The following CD200R1L variants were observed in gnomAD, a reference collection of about 807,000 sequenced individuals.
CD200R1L encodes the protein CD200 receptor 1 like.
CD200R1L carries 14 observed loss-of-function variants against 24.8 expected under a neutral mutation model. The observed-to-expected ratio is 0.56, with a 90% CI of 0.37 to 0.88. The LOEUF (loss-of-function observed/expected upper bound fraction) is 0.88. Among genes scored for constraint, CD200R1L ranks in the 40% least tolerant of loss-of-function variants. The probability of loss-of-function intolerance (pLI) is 0.00; values close to 1 mark genes in which losing one functional copy is unlikely to be tolerated. For missense variants in CD200R1L, 299 were observed against 297.8 expected (o/e 1.00, Z -0.03); for synonymous variants, 111 against 109.2 (o/e 1.02, Z -0.11).
chr3:112,817,066 C>A (rs1187138911), intron 7 of CD200R1L, among the ~76,000 whole-genome samples: 1 of 151,982 alleles, frequency 6.6e-6, no homozygotes, highest in Non-Finnish European at 1.5e-5. Context: ...ACTAATACAA[C>A]CAGGTAACAA....
chr3:112,836,251 T>A lies in CD200R1L; in HGVS notation c.-18+1691A>T, dbSNP rs1159353607. 2.0e-5 allele frequency among the ~76,000 whole-genome samples: 3 copies of A among 152,114 alleles called. No individual in the cohort carries two copies. In the East Asian group the frequency reaches 5.8e-4, roughly 29 times the overall value. ...CCGCCACTGCTGCTCTCACAGCCAC[T>A]CCTGCTGCCACCACCTGCACCTCCC... is the stretch of plus-strand genomic sequence containing the variant. On this transcript the variant is annotated intron_variant, in intron 3 of 7. Coordinates refer to ENST00000488794, the MANE Select transcript of CD200R1L (RefSeq NM_001199215.3).
chr3:112,837,861 A>G (rs956270764), intron 3 of CD200R1L, 81 bp downstream of exon 3: 3 of 439,536 alleles, frequency 6.8e-6, no homozygotes, highest in African/African-American at 2.2e-5. Context: ...AATTGCACAC[A>G]GGACAAATGA....
At chr3:112,819,032 C>T (rs143124193) in intron 7 of CD200R1L, among the ~76,000 whole-genome samples, 97 of 152,240 alleles carry the variant, frequency 6.4e-4, no homozygotes, top group African/African-American at 2.1e-3. Flanking sequence ...TGGCAGAAGG[C>T]GAAGGGGAAG....
chr3:112,827,219 A>G lies in CD200R1L; in HGVS notation c.390T>C (p.Phe130=). The change falls in exon 6 of 8, where the codon TTT becomes TTC. Residue 130 remains phenylalanine, a synonymous_variant. Coordinates refer to ENST00000488794, the MANE Select transcript of CD200R1L (RefSeq NM_001199215.3). The stretch of plus-strand genomic sequence containing the variant: ...ATACTGCAGTTATATTCCTGCTTTG[A>G]AATAGGTTCACTTCGGGTGTAACTG... The part of the protein sequence containing the change: ...QVLVTPEVNL[F]QSRNITAVCK... 2 of 1,612,554 alleles carry G rather than the reference A, an allele frequency of 1.2e-6. No individual in the cohort carries two copies. The highest frequency in any genetic ancestry group is 1.7e-6 in the Non-Finnish European group (2 of 1,179,486).
In CD200R1L at chr3:112,838,810, A is replaced by G. The variant is rs532797556; in HGVS notation, c.-86-800T>C. Among the ~76,000 whole-genome samples, 286 of 152,338 alleles carry G rather than the reference A, an allele frequency of 1.9e-3. 1 individual carries two copies. The highest frequency in any genetic ancestry group is 6.6e-3 in the African/African-American group (275 of 41,568). ...TATTTTGTATGTGATTAATAACTAC[A>G]ATCAGTTGATTTTAAGTAAAGGAGA... On this transcript the variant is annotated intron_variant, in intron 2 of 7. Coordinates refer to ENST00000488794, the MANE Select transcript of CD200R1L (RefSeq NM_001199215.3).
intron 2 of CD200R1L, among the ~76,000 whole-genome samples, 195 bp from the exon 3 acceptor site, chr3:112,838,205 G>A (rs1186044475): frequency 3.4e-5 from 5 of 146,220 alleles, no homozygotes; most frequent in Non-Finnish European, 5.9e-5. Flanking sequence ...ATAAATGCAC[G>A]TATGTCAGGA....
intron 3 of CD200R1L, among the ~76,000 whole-genome samples, chr3:112,831,076 T>C (rs1938786653): frequency 6.6e-6 from 1 of 152,222 alleles, no homozygotes; most frequent in African/African-American, 2.4e-5. Flanking sequence ...GAATGAGAAA[T>C]CACTATTAGT....
At position 112,827,186 on chromosome 3, in the gene CD200R1L, T is replaced by C. The variant is rs540129972; in HGVS notation, c.423A>G (p.Ala141=). 4 of 1,613,682 alleles carry C rather than the reference T, an allele frequency of 2.5e-6. No individual in the cohort carries two copies. In the South Asian group the frequency reaches 3.3e-5, roughly 13 times the overall value. ...QSRNITAVCK[A]VTGKPAAQIS... ...TCTGGGCAGCTGGCTTCCCTGTAACTGCCTTGCATACTGCAGTTATATTCC... is the reference window on the plus strand; with the variant it reads ...TCTGGGCAGCTGGCTTCCCTGTAACCGCCTTGCATACTGCAGTTATATTCC... Residue 141 remains alanine, a synonymous_variant, in exon 6 of 8, where the codon GCA becomes GCG. Coordinates refer to ENST00000488794, the MANE Select transcript of CD200R1L (RefSeq NM_001199215.3).
Position 112,845,929 on chromosome 3 carries a change from T to C in CD200R1L, c.-337A>G, listed in dbSNP as rs957968740. 1.9e-5 allele frequency: 10 copies of C among 528,000 alleles called. No individual in the cohort carries two copies. Among genetic ancestry groups the C allele is most frequent in the African/African-American group, 7.7e-5 (4 of 51,646 alleles). 32.7% of individuals were successfully genotyped at this position (528,000 alleles called of 1,614,324 possible). ...ATGTTTTTGACTGATTAACCACTGATGGGAAATGTCAGTGAGTTTTGCTGT... is the reference window on the plus strand; with the variant it reads ...ATGTTTTTGACTGATTAACCACTGACGGGAAATGTCAGTGAGTTTTGCTGT... On this transcript the variant is annotated 5_prime_UTR_variant, in exon 2 of 8. Transcript: ENST00000488794.
rs1264585588 is a variant in CD200R1L, at chr3:112,819,756, A to T, written c.740+16T>A. ...TTTTCTACTGTGTCTTATGCTTTTC[A>T]GTCTTCAGTTCCTACCTGACATGAT... On this transcript the variant is annotated intron_variant, in intron 7 of 7. Coordinates refer to ENST00000488794, the MANE Select transcript of CD200R1L (RefSeq NM_001199215.3). The T allele has an allele frequency of 1.9e-6, 3 of 1,582,156 alleles. No homozygotes were observed. The African/African-American group carries it at 4.1e-5, about 22-fold the overall frequency.
intron 4 of CD200R1L, 116 bp from the exon 5 acceptor site, chr3:112,827,800 T>C: frequency 1.0e-6 from 1 of 988,528 alleles, no homozygotes; most frequent in South Asian, 1.7e-5. Context: ...TTGCTGATCT[T>C]ATTCCAGAAA....
At chr3:112,837,428 C>A (rs111337431) in intron 3 of CD200R1L, among the ~76,000 whole-genome samples, 7 of 152,188 alleles carry the variant, frequency 4.6e-5, no homozygotes, top group Non-Finnish European at 8.8e-5. Context: ...GCTCTGCTCT[C>A]ACTGCAATCC....
chr3:112,830,731 T>C (rs1350074488), intron 3 of CD200R1L, among the ~76,000 whole-genome samples: 3 of 152,128 alleles, frequency 2.0e-5, no homozygotes, highest in Admixed American at 2.0e-4. Flanking sequence ...ATTTCTTCTA[T>C]TGGGTCTCAT....
chr3:112,821,651 GT>G (rs10715617), intron 6 of CD200R1L, among the ~76,000 whole-genome samples: 138,015 of 152,108 alleles, frequency 0.91, 62,932 homozygotes, highest in Non-Finnish European at 0.96. Flanking sequence ...ATTCTGTGGT[GT>G]TTTTTTTGTT....
At chr3:112,841,779 A>C (rs972453586) in intron 2 of CD200R1L, among the ~76,000 whole-genome samples, 4 of 152,304 alleles carry the variant, frequency 2.6e-5, no homozygotes, top group Non-Finnish European at 4.4e-5. Flanking sequence ...GCCCCCCCGG[A>C]ACACCTGGTG....
At position 112,815,759 on chromosome 3, in the gene CD200R1L, T is replaced by C. The variant is rs1471636838; in HGVS notation, c.*204A>G. 4 of 542,608 alleles carry C rather than the reference T, an allele frequency of 7.4e-6. No individual in the cohort carries two copies. Among genetic ancestry groups the C allele is most frequent in the African/African-American group, 3.8e-5 (2 of 52,232 alleles). The allele number at this position is 542,608 out of a possible 1,614,324, so 33.6% of individuals were successfully genotyped here. On this transcript the variant is annotated 3_prime_UTR_variant, in exon 8 of 8. Transcript: ENST00000488794. The stretch of plus-strand genomic sequence containing the variant: ...CTCTAACACAAAAGAAGTCAATGAA[T>C]AGGTGGTTGAGGGTTTATAGGGAAA...
chr3:112,841,673 C>T (rs901548145), intron 2 of CD200R1L, among the ~76,000 whole-genome samples: 1 of 152,174 alleles, frequency 6.6e-6, no homozygotes, highest in East Asian at 1.9e-4. Flanking sequence ...CCAGCCCCAC[C>T]CAAGGCCCAT....
intron 2 of CD200R1L, among the ~76,000 whole-genome samples, chr3:112,843,804 T>A (rs975531376): frequency 3.3e-5 from 5 of 151,922 alleles, no homozygotes; most frequent in Non-Finnish European, 7.3e-5. Context: ...TCCAGAGACC[T>A]ATCTCACACA....
chr3:112,834,707 C>A (rs889669295), intron 3 of CD200R1L, among the ~76,000 whole-genome samples: 5 of 152,196 alleles, frequency 3.3e-5, no homozygotes, highest in Non-Finnish European at 7.3e-5. Flanking sequence ...GTGCTATTGG[C>A]CTGGATCCCA....
Sources: allele counts gnomAD v4.1 joint callset (sites outside exome capture counted in the v4.1 genomes callset), GRCh38; gene constraint gnomAD v4.1.1; transcripts MANE v1.5; gene names NCBI Gene and HGNC (gene_info 2026-07-23, HGNC 2026-07-21).